EFR3B: variants seen among roughly 807,000 people sequenced by gnomAD.
The protein encoded by EFR3B is protein EFR3 homolog B.
Under a neutral mutation model 104.7 loss-of-function variants are expected in EFR3B, and 64 were observed. That is an observed-to-expected ratio of 0.61 (90% CI 0.50 to 0.75). The LOEUF (loss-of-function observed/expected upper bound fraction) is 0.75. Among genes scored for constraint, EFR3B ranks in the 30% least tolerant of loss-of-function variants. The pLI, the probability that EFR3B is intolerant of heterozygous loss-of-function variation, is 0.00. For synonymous variants in EFR3B, 385 were observed against 417.9 expected (o/e 0.92, Z 0.96); for missense variants, 750 against 1,078.5 (o/e 0.70, Z 4.27).
chr2:25,132,316 T>C (rs1670368038), intron 10 of EFR3B, among the ~76,000 whole-genome samples: 1 of 152,074 alleles, frequency 6.6e-6, no homozygotes, highest in African/African-American at 2.4e-5. Context: ...ACCTGCCTGA[T>C]GCTTCCAGGT....
At chr2:25,112,355 T>C (rs1669744985) in intron 4 of EFR3B, among the ~76,000 whole-genome samples, 1 of 152,236 alleles carries the variant, frequency 6.6e-6, no homozygotes, top group African/African-American at 2.4e-5. Flanking sequence ...GCAGGGATGG[T>C]GTCCTGGGGC....
In EFR3B at chr2:25,042,459, C is replaced by T; in HGVS notation, c.7+140C>T. 1 of 1,210,078 alleles carries T rather than the reference C, an allele frequency of 8.3e-7. No individual in the cohort carries two copies. The highest frequency in any genetic ancestry group is 1.0e-6 in the Non-Finnish European group (1 of 974,108). 75.0% of individuals were successfully genotyped at this position (1,210,078 alleles called of 1,614,324 possible). ...GTGCCCGGCGGGGCTGTTGCGGTCG[C>T]TCTGTGCGCGCGCGTCTGCGCTGCG... On this transcript the variant is annotated intron_variant, in intron 1 of 22. Coordinates refer to ENST00000403714, the MANE Select transcript of EFR3B (RefSeq NM_014971.2). This position sits in a 1 kb window ranked among gnomAD's most constrained non-coding sequence, Gnocchi z 5.4.
At chr2:25,083,133 A>C (rs138746303) in intron 1 of EFR3B, among the ~76,000 whole-genome samples, 6 of 152,346 alleles carry the variant, frequency 3.9e-5, no homozygotes, top group East Asian at 3.9e-4. Flanking sequence ...TGGCCATATC[A>C]CGTTTCCCTC....
At chr2:25,087,572 A>G (rs1249878130) in intron 1 of EFR3B, among the ~76,000 whole-genome samples, 1 of 151,230 alleles carries the variant, frequency 6.6e-6, no homozygotes, top group Non-Finnish European at 1.5e-5. Flanking sequence ...CTCCGGGTTC[A>G]AGTGATTCTC....
Position 25,154,620 on chromosome 2 carries a change from T to C in EFR3B, c.*280T>C, listed in dbSNP as rs1198071755. On this transcript the variant is annotated 3_prime_UTR_variant, in exon 23 of 23. Transcript: ENST00000403714. The surrounding 1 kb of genome is among the most constrained non-coding windows in gnomAD (Gnocchi z 4.1). ...GGGGCAGAGAATCATGGGGTGTCTC[T>C]CAGGAGAAGCCGGGGGGAGGGGGCT... is the stretch of plus-strand genomic sequence containing the variant. 5 of 385,914 alleles carry C rather than the reference T, an allele frequency of 1.3e-5. No individual in the cohort carries two copies. The highest frequency in any genetic ancestry group is 2.3e-5 in the Non-Finnish European group (5 of 216,816). The allele number at this position is 385,914 out of a possible 1,614,324, so 23.9% of individuals were successfully genotyped here. A position where few individuals can be genotyped will look rare whatever the true frequency, so the allele number is the denominator to read the frequency against.
At chr2:25,055,306 T>C (rs1216722911) in intron 1 of EFR3B, among the ~76,000 whole-genome samples, 1 of 152,244 alleles carries the variant, frequency 6.6e-6, no homozygotes, top group Non-Finnish European at 1.5e-5. Context: ...AATATTTTCA[T>C]AGATTTTACA....
intron 1 of EFR3B, among the ~76,000 whole-genome samples, chr2:25,057,529 C>T (rs1030765890): frequency 2.0e-5 from 3 of 152,184 alleles, no homozygotes; most frequent in Non-Finnish European, 4.4e-5. Flanking sequence ...CGCCTGTAAT[C>T]CCAACACTTT....
At chr2:25,116,683 A>G (rs369895646) in intron 4 of EFR3B, among the ~76,000 whole-genome samples, 67 of 151,850 alleles carry the variant, frequency 4.4e-4, no homozygotes, top group South Asian at 1.5e-3. Flanking sequence ...AGAGGAGTAC[A>G]GAAGAACACA....
intron 1 of EFR3B, among the ~76,000 whole-genome samples, chr2:25,084,402 A>C (rs1199262536): frequency 6.6e-6 from 1 of 151,688 alleles, no homozygotes; most frequent in Non-Finnish European, 1.5e-5. Flanking sequence ...ACGCCCTGCT[A>C]ATTTTTTTGT....
At chr2:25,081,214 T>C in intron 1 of EFR3B, 1 of 877,850 alleles carries the variant, frequency 1.1e-6, no homozygotes, top group South Asian at 1.4e-5. Flanking sequence ...GAAACAGCTT[T>C]TGCTTCTTCT....
intron 21 of EFR3B, among the ~76,000 whole-genome samples, chr2:25,152,381 TCA>T (rs1356776745): frequency 6.6e-6 from 1 of 152,192 alleles, no homozygotes; most frequent in African/African-American, 2.4e-5. Context: ...TGAACAGCAC[TCA>T]CTGCGGATGA....
At chr2:25,093,200 T>C in intron 3 of EFR3B, 70 bp downstream of exon 3, 1 of 1,513,956 alleles carries the variant, frequency 6.6e-7, no homozygotes, top group Non-Finnish European at 8.9e-7. Flanking sequence ...TAGGGTCCTT[T>C]TAAGAAAATG....
rs546636991 is a variant in EFR3B, at chr2:25,120,381, C to G, written c.364-1292C>G. Among the ~76,000 whole-genome samples, 427 of 149,634 alleles carry G rather than the reference C, an allele frequency of 2.9e-3. 2 individuals are homozygous for G. Among genetic ancestry groups the G allele is most frequent in the Non-Finnish European group, 5.4e-3 (362 of 67,386 alleles). On this transcript the variant is annotated intron_variant, in intron 4 of 22. Transcript: ENST00000403714. The stretch of plus-strand genomic sequence containing the variant: ...AAAACCCTGGCCGGGCGCAGTGGCT[C>G]ATGCCTGTAATCCCAGCACTTTGGG...
At chr2:25,043,647 C>CT (rs1667640139) in intron 1 of EFR3B, among the ~76,000 whole-genome samples, 1 of 152,160 alleles carries the variant, frequency 6.6e-6, no homozygotes, top group South Asian at 2.1e-4. Context: ...GGAGGTTGGC[C>CT]TGAGAGGCTG....
At chr2:25,145,369 G>C (rs1208587905) in intron 19 of EFR3B, 3 of 477,946 alleles carry the variant, frequency 6.3e-6, no homozygotes, top group Non-Finnish European at 1.1e-5. Flanking sequence ...CCAGGAGTTT[G>C]AGATGATCTG....
Position 25,136,401 on chromosome 2 carries a change from G to C in EFR3B, c.1485-122G>C. ...AAAGGTAATCGGGCTGAGAACCAGGGCCAGGGGAGCACTGGAGGCTTTGTA... is the reference window on the plus strand; with the variant it reads ...AAAGGTAATCGGGCTGAGAACCAGGCCCAGGGGAGCACTGGAGGCTTTGTA... On this transcript the variant is annotated intron_variant, in intron 13 of 22. Coordinates refer to ENST00000403714, the MANE Select transcript of EFR3B (RefSeq NM_014971.2). The surrounding 1 kb of genome is among the most constrained non-coding windows in gnomAD (Gnocchi z 4.0). 1 of 706,138 alleles carries C rather than the reference G, an allele frequency of 1.4e-6. No individual in the cohort carries two copies. Among genetic ancestry groups the C allele is most frequent in the Non-Finnish European group, 2.4e-6 (1 of 424,232 alleles). The allele number at this position is 706,138 out of a possible 1,614,324, so 43.7% of individuals were successfully genotyped here.
At chr2:25,148,363 C>T (rs1292567441) in intron 19 of EFR3B, among the ~76,000 whole-genome samples, 6 of 151,800 alleles carry the variant, frequency 4.0e-5, no homozygotes, top group Non-Finnish European at 5.9e-5. Context: ...AAGCAATTCT[C>T]TTGCCTCAGA....
intron 1 of EFR3B, chr2:25,080,283 CTTTTTTTT>C (rs563438610): frequency 0.011 from 1,702 of 154,720 alleles, 10 homozygotes; most frequent in African/African-American, 0.038. Context: ...CTCCCCAAAG[CTTTTTTTT>C]TTTTTTTTTT....
rs1041832982 is a variant in EFR3B, at chr2:25,137,334, T to C, written c.1561-7T>C. ...GACCCTGGCCTTCTGCCCGCTCCTG[T>C]CCCCAGCACTCCCAGCAGCTCTACA... On this transcript the variant is annotated splice_polypyrimidine_tract_variant and splice_region_variant and intron_variant, in intron 14 of 22. Transcript: ENST00000403714. The surrounding 1 kb of genome is among the most constrained non-coding windows in gnomAD (Gnocchi z 4.7). 10 of 1,551,966 alleles carry C rather than the reference T, an allele frequency of 6.4e-6. No homozygotes were observed. The Admixed American group carries it at 1.2e-4, about 18-fold the overall frequency.
Sources: gnomAD v4.1 joint callset for allele counts (sites outside exome capture counted in the v4.1 genomes callset) on GRCh38, gnomAD v4.1.1 for gene constraint, Gnocchi (gnomAD v3.1) non-coding constraint, MANE v1.5 for transcripts, NCBI Gene and HGNC (gene_info 2026-07-23, HGNC 2026-07-21) for gene names.